Variants in TCF12 observed in about 807,000 individuals in gnomAD.
TCF12 encodes DNA-binding protein HTF4.
A neutral mutation model predicts 86.0 loss-of-function variants in TCF12; 45 were observed. The observed-to-expected ratio is 0.52, with a 90% confidence interval of 0.41 to 0.67. TCF12 has a LOEUF of 0.67. TCF12 is among the 30% of genes least tolerant of loss of function. The pLI, the probability that TCF12 is intolerant of heterozygous loss-of-function variation, is 0.00. For missense variants in TCF12, 881 were observed against 859.9 expected (o/e 1.02, Z -0.31); for synonymous variants, 330 against 299.6 (o/e 1.10, Z -1.05).
chr15:57,253,996 T>G (rs1268978739), intron 16 of TCF12, among the ~76,000 whole-genome samples: 2 of 151,332 alleles, frequency 1.3e-5, no homozygotes, highest in Non-Finnish European at 2.9e-5. Context: ...AGTCCATCTT[T>G]TAAAAAAGTA....
At chr15:57,097,097 A>G (rs1261958955) in intron 5 of TCF12, among the ~76,000 whole-genome samples, 3 of 152,218 alleles carry the variant, frequency 2.0e-5, no homozygotes, top group Non-Finnish European at 4.4e-5. Flanking sequence ...TGGTACCTCA[A>G]ATAACCAAAT....
intron 8 of TCF12, among the ~76,000 whole-genome samples, chr15:57,208,461 C>T (rs1448711459): frequency 7.9e-6 from 1 of 126,170 alleles, no homozygotes; most frequent in Non-Finnish European, 1.6e-5. Flanking sequence ...TGGCTCACTG[C>T]AACCTCCACC....
At chr15:56,932,465 A>G (rs1012375497) in intron 3 of TCF12, among the ~76,000 whole-genome samples, 1 of 152,200 alleles carries the variant, frequency 6.6e-6, no homozygotes, top group Non-Finnish European at 1.5e-5. Flanking sequence ...TATAATAAGA[A>G]GTCTTATCTG....
At chr15:57,139,235 C>T (rs1184744694) in intron 5 of TCF12, among the ~76,000 whole-genome samples, 2 of 152,152 alleles carry the variant, frequency 1.3e-5, no homozygotes, top group African/African-American at 4.8e-5. Context: ...TGTCCCCTTA[C>T]TTTCCTCTGC....
chr15:56,932,397 A>G (rs373736601), intron 3 of TCF12, among the ~76,000 whole-genome samples: 4 of 152,312 alleles, frequency 2.6e-5, no homozygotes, highest in African/African-American at 9.6e-5. Flanking sequence ...ACCAATCTAC[A>G]AGAGCATGGT....
intron 3 of TCF12, among the ~76,000 whole-genome samples, chr15:56,923,094 T>A (rs2059862267): frequency 6.6e-6 from 1 of 152,072 alleles, no homozygotes; most frequent in African/African-American, 2.4e-5. Flanking sequence ...TTTTCTGTTT[T>A]GTCTTTGGAG....
intron 15 of TCF12, 115 bp from the exon 16 acceptor site, chr15:57,253,147 T>C: frequency 8.8e-7 from 1 of 1,133,640 alleles, no homozygotes; most frequent in Non-Finnish European, 1.3e-6. Context: ...TTGAAGCTAC[T>C]TGATACTGCA....
chr15:57,165,128 G>GTC (rs2054782479), intron 5 of TCF12, among the ~76,000 whole-genome samples: 1 of 91,950 alleles, frequency 1.1e-5, no homozygotes, highest in East Asian at 3.2e-4. Flanking sequence ...CTGAAGGAAT[G>GTC]TATGTCTGTG....
intron 5 of TCF12, among the ~76,000 whole-genome samples, chr15:57,101,713 T>A (rs1462452308): frequency 6.6e-6 from 1 of 152,250 alleles, no homozygotes; most frequent in Non-Finnish European, 1.5e-5. Context: ...TATGTTTTGG[T>A]GGTTCCACAG....
chr15:57,013,128 G>A (rs1215043728), intron 3 of TCF12, among the ~76,000 whole-genome samples: 1 of 152,024 alleles, frequency 6.6e-6, no homozygotes, highest in African/African-American at 2.4e-5. Flanking sequence ...ATCTGCCTCA[G>A]ATGGCGTGGC....
intron 4 of TCF12, among the ~76,000 whole-genome samples, chr15:57,071,043 A>G (rs1407706749): frequency 6.6e-6 from 1 of 152,184 alleles, no homozygotes; most frequent in East Asian, 1.9e-4. Flanking sequence ...CTTAAATGTT[A>G]AAGGTGAATA....
rs1272033669 is a variant in TCF12, at chr15:57,188,503, A to G, written c.391-3655A>G. On this transcript the variant is annotated intron_variant, in intron 6 of 20. Transcript: ENST00000333725. ...AATTTATATGGAATTTCAAGATCCC[A>G]AGTAGCCACAACAATACTGAAAAAG... is the stretch of plus-strand genomic sequence containing the variant. Among the ~76,000 whole-genome samples, 6 of 152,338 alleles carry G rather than the reference A, an allele frequency of 3.9e-5. No individual in the cohort carries two copies. The East Asian group carries it at 7.7e-4, about 20-fold the overall frequency.
chr15:56,928,843 T>C (rs531463555), intron 3 of TCF12, among the ~76,000 whole-genome samples: 1 of 152,246 alleles, frequency 6.6e-6, no homozygotes, highest in East Asian at 1.9e-4. Flanking sequence ...AAATAAAAAT[T>C]ACTTGACTGG....
intron 8 of TCF12, among the ~76,000 whole-genome samples, chr15:57,225,466 C>A (rs556349058): frequency 6.6e-6 from 1 of 151,666 alleles, no homozygotes; most frequent in Non-Finnish European, 1.5e-5. Flanking sequence ...AGGATGGTCT[C>A]GACCTCCTGA....
At chr15:57,273,879 C>T (rs994063366) in intron 19 of TCF12, among the ~76,000 whole-genome samples, 1 of 152,144 alleles carries the variant, frequency 6.6e-6, no homozygotes, top group East Asian at 1.9e-4. Flanking sequence ...TTTCATTTTT[C>T]AGGAAGTTTG....
chr15:57,207,901 C>T (rs1335260284), intron 8 of TCF12, among the ~76,000 whole-genome samples: 1 of 151,908 alleles, frequency 6.6e-6, no homozygotes, highest in African/African-American at 2.4e-5. Flanking sequence ...CTAGTAGATT[C>T]CCAGTCAGGA....
At chr15:57,015,675 T>C (rs2065113650) in intron 3 of TCF12, among the ~76,000 whole-genome samples, 2 of 150,552 alleles carry the variant, frequency 1.3e-5, no homozygotes, top group South Asian at 4.3e-4. Context: ...CCATGTCATG[T>C]TTCTTAGACA....
intron 1 of TCF12, 174 bp from the exon 2 acceptor site, chr15:56,919,718 G>A (rs1756562786): frequency 4.3e-6 from 2 of 465,368 alleles, no homozygotes; most frequent in African/African-American, 2.1e-5. Context: ...GACCCGGCGC[G>A]GGCACTGAGC....
intron 8 of TCF12, among the ~76,000 whole-genome samples, chr15:57,206,929 G>A (rs866047462): frequency 5.4e-4 from 68 of 125,862 alleles, no homozygotes; most frequent in Middle Eastern, 4.0e-3. Flanking sequence ...TGTCTCTACA[G>A]AAAAAAAAAA....
Sources: allele counts gnomAD v4.1 joint callset (sites outside exome capture counted in the v4.1 genomes callset), GRCh38; gene constraint gnomAD v4.1.1; transcripts MANE v1.5; gene names NCBI Gene and HGNC (gene_info 2026-07-23, HGNC 2026-07-21).